Variants in KCNG3 observed in about 807,000 individuals in gnomAD.
The protein encoded by KCNG3 is potassium voltage-gated channel modifier subfamily G member 3, also known as voltage-gated potassium channel regulatory subunit KCNG3.
A neutral mutation model predicts 29.0 loss-of-function variants in KCNG3; 15 were observed. That is an observed-to-expected ratio of 0.52 (90% CI 0.35 to 0.80). The LOEUF (loss-of-function observed/expected upper bound fraction) is 0.80. Among genes scored for constraint, KCNG3 ranks in the 30% least tolerant of loss-of-function variants. The pLI is 0.01. For synonymous variants in KCNG3, 322 were observed against 248.9 expected (o/e 1.29, Z -2.76); for missense variants, 512 against 605.7 (o/e 0.85, Z 1.62).
At chr2:42,391,599 T>TA in the KCNG3 span, among the ~76,000 whole-genome samples, 2 of 123,962 alleles carry the variant, frequency 1.6e-5, no homozygotes, top group East Asian at 4.5e-4. Flanking sequence ...ATATCTCTTT[T>TA]TTTTTTTTTT....
chr2:42,434,587 AC>A, the KCNG3 span, among the ~76,000 whole-genome samples: 2 of 146,584 alleles, frequency 1.4e-5, no homozygotes, highest in African/African-American at 5.1e-5. Flanking sequence ...AATTGCTTGA[AC>A]CCGGGAGACA....
chr2:42,416,239 C>CTACAGATAGGAGAAATATGT, the KCNG3 span, among the ~76,000 whole-genome samples: 1 of 152,114 alleles, frequency 6.6e-6, no homozygotes, highest in African/African-American at 2.4e-5. Context: ...GAGTACAAAG[C>CTACAGATAGGAGAAATATGT]TACAGATAGG....
At chr2:42,477,691 C>A (rs1673474335) in intron 1 of KCNG3, among the ~76,000 whole-genome samples, 1 of 151,764 alleles carries the variant, frequency 6.6e-6, no homozygotes, top group African/African-American at 2.4e-5. Flanking sequence ...CTAGCCTGGC[C>A]AGCATAGCGA....
the KCNG3 span, among the ~76,000 whole-genome samples, chr2:42,408,961 G>T: frequency 6.6e-6 from 1 of 152,126 alleles, no homozygotes; most frequent in African/African-American, 2.4e-5. Context: ...GCAAGCCATG[G>T]AATCTGCTTG....
the KCNG3 span, among the ~76,000 whole-genome samples, chr2:42,410,992 T>G: frequency 6.6e-6 from 1 of 152,336 alleles, no homozygotes; most frequent in Non-Finnish European, 1.5e-5. Flanking sequence ...CGGGTGCCAA[T>G]TGCTTTTTCC....
chr2:42,426,779 G>T, the KCNG3 span, among the ~76,000 whole-genome samples: 1 of 152,180 alleles, frequency 6.6e-6, no homozygotes, highest in Non-Finnish European at 1.5e-5. Context: ...TTCACTAGGT[G>T]CATGGAAAGA....
the KCNG3 span, among the ~76,000 whole-genome samples, chr2:42,402,040 C>G: frequency 6.6e-6 from 1 of 152,144 alleles, no homozygotes; most frequent in Non-Finnish European, 1.5e-5. Context: ...TGGAGGTATT[C>G]GTATCTGAAT....
At chr2:42,415,790 A>C in the KCNG3 span, among the ~76,000 whole-genome samples, 2 of 152,308 alleles carry the variant, frequency 1.3e-5, no homozygotes, top group African/African-American at 2.4e-5. Flanking sequence ...ATTTGCAGCA[A>C]CATGGATAAA....
chr2:42,388,949 G>A, the KCNG3 span, among the ~76,000 whole-genome samples: 7 of 151,840 alleles, frequency 4.6e-5, no homozygotes, highest in African/African-American at 9.7e-5. Context: ...AGGGAGTCTC[G>A]CCCTGTCACC....
At chr2:42,489,652 G>C (rs907567509) in intron 1 of KCNG3, among the ~76,000 whole-genome samples, 39 of 152,080 alleles carry the variant, frequency 2.6e-4, no homozygotes, top group Non-Finnish European at 5.4e-4. Context: ...AATCTGAATT[G>C]GGCTTGATGA....
the KCNG3 span, among the ~76,000 whole-genome samples, chr2:42,391,287 G>A: frequency 1.3e-5 from 2 of 152,126 alleles, no homozygotes; most frequent in Admixed American, 6.6e-5. Context: ...TCTATGACCA[G>A]AAGACAAGCC....
At chr2:42,472,877 A>C (rs1410482378) in intron 1 of KCNG3, among the ~76,000 whole-genome samples, 1 of 145,564 alleles carries the variant, frequency 6.9e-6, no homozygotes, top group Admixed American at 7.1e-5. Context: ...ATATATATAT[A>C]GATCTATCGA....
the KCNG3 span, among the ~76,000 whole-genome samples, chr2:42,404,646 T>C: frequency 6.6e-6 from 1 of 152,070 alleles, no homozygotes; most frequent in African/African-American, 2.4e-5. Flanking sequence ...GAGGATTGCT[T>C]CAGCCCGGGA....
chr2:42,439,699 T>G (rs1424570327), downstream of KCNG3, among the ~76,000 whole-genome samples: 1 of 150,750 alleles, frequency 6.6e-6, no homozygotes, highest in African/African-American at 2.4e-5. Context: ...CAGGGTGGAG[T>G]GCAAAGGCGC....
the KCNG3 span, among the ~76,000 whole-genome samples, chr2:42,407,877 A>C: frequency 3.9e-4 from 59 of 152,224 alleles, no homozygotes; most frequent in Middle Eastern, 3.4e-3. Context: ...AGCTGCAGCC[A>C]CCCAAACCGT....
the KCNG3 span, among the ~76,000 whole-genome samples, chr2:42,389,459 A>T: frequency 6.6e-6 from 1 of 152,216 alleles, no homozygotes; most frequent in Non-Finnish European, 1.5e-5. Flanking sequence ...CAGTGGGCAC[A>T]TACATTTCTA....
chr2:42,493,845 A>C lies in KCNG3; in HGVS notation c.-344T>G. The C allele has an allele frequency of 3.1e-5, 6 of 196,462 alleles. No homozygotes were observed. Among genetic ancestry groups the C allele is most frequent in the Non-Finnish European group, 4.1e-5 (4 of 97,386 alleles). The allele number at this position is 196,462 out of a possible 1,614,324, so 12.2% of individuals were successfully genotyped here. On this transcript the variant is annotated 5_prime_UTR_variant, in exon 1 of 2. Transcript: ENST00000306078. The stretch of plus-strand genomic sequence containing the variant: ...CACCGAGGCCGCGGTGCCCTCTCCC[A>C]AGCCGCGGGGCCGACCCCCTGAGGG...
At chr2:42,457,904 C>G (rs931416544) in intron 1 of KCNG3, among the ~76,000 whole-genome samples, 6 of 152,082 alleles carry the variant, frequency 3.9e-5, no homozygotes, top group Admixed American at 1.3e-4. Flanking sequence ...AGGAAGATCA[C>G]TTGAGCTCAG....
rs919924966 is a variant in KCNG3 at position 42,493,493 on chromosome 2, G to A, written c.9C>T (p.Phe3=). 5 of 1,408,376 alleles carry A rather than the reference G, an allele frequency of 3.6e-6. No individual in the cohort carries two copies. The Admixed American group carries it at 1.2e-4, about 35-fold the overall frequency. 87.2% of individuals were successfully genotyped at this position (1,408,376 alleles called of 1,614,324 possible). The change falls in exon 1 of 2, where the codon TTC becomes TTT. Residue 3 remains phenylalanine, a synonymous_variant. Transcript: ENST00000306078. MT[F]GRSGAASVVL... ...CCACCGAGGCCGCCCCGCTGCGCCC[G>A]AAGGTCATGGCTGGCCGCCCGGGGG...
Sources: allele counts gnomAD v4.1 joint callset (sites outside exome capture counted in the v4.1 genomes callset), GRCh38; gene constraint gnomAD v4.1.1; transcripts MANE v1.5; gene names NCBI Gene and HGNC (gene_info 2026-07-23, HGNC 2026-07-21).